Variants in CFAP69 observed in about 807,000 individuals in gnomAD.
CFAP69 encodes the protein cilia and flagella associated protein 69.
CFAP69 carries 92 observed loss-of-function variants against 123.0 expected under a neutral mutation model. The ratio of observed to expected loss-of-function variants is 0.75; its 90% CI spans 0.63 to 0.89. CFAP69 has a LOEUF of 0.89. Among genes scored for constraint, CFAP69 ranks in the 40% least tolerant of loss-of-function variants. The pLI is 0.00. For missense variants in CFAP69, 1,067 were observed against 1,096.9 expected (o/e 0.97, Z 0.39); for synonymous variants, 380 against 364.3 (o/e 1.04, Z -0.49).
chr7:90,264,304 G>A (rs931691613), intron 4 of CFAP69, among the ~76,000 whole-genome samples: 12 of 151,276 alleles, frequency 7.9e-5, no homozygotes, highest in Non-Finnish European at 1.6e-4. Flanking sequence ...TTTATGTGCT[G>A]GATCTTTTAT....
rs1357908905 is a variant in CFAP69, at chr7:90,262,039, T to C, written c.339T>C (p.Asp113=). ...NQPRFIESAY[D]IIKLCGLPFL... ...CTCGTTTTATAGAATCTGCATATGA[T>C]ATCATAAAACTGTGTGGGTAAGTTA... The change falls in exon 4 of 23, where the codon GAT becomes GAC. Residue 113 remains aspartate (D), a synonymous_variant. Coordinates refer to ENST00000389297, the MANE Select transcript of CFAP69 (RefSeq NM_001039706.3). 6.3e-7 allele frequency: 1 copy of C among 1,587,060 alleles called. No individual in the cohort carries two copies. Among genetic ancestry groups the C allele is most frequent in the African/African-American group, 1.4e-5 (1 of 73,444 alleles).
At chr7:90,311,420 C>T (rs968673318), downstream of CFAP69, among the ~76,000 whole-genome samples, 3 of 152,156 alleles carry the variant, frequency 2.0e-5, no homozygotes, top group East Asian at 3.8e-4. Context: ...GAGGGAAAAG[C>T]CCTGATTTAC....
intron 11 of CFAP69, among the ~76,000 whole-genome samples, chr7:90,278,761 G>C (rs1022067111): frequency 1.3e-5 from 2 of 152,036 alleles, no homozygotes; most frequent in Non-Finnish European, 2.9e-5. Flanking sequence ...TAATGAATAT[G>C]TACACTATCA....
At chr7:90,307,738 AC>A in intron 20 of CFAP69, 29 bp from the exon 21 acceptor site, 1 of 1,479,314 alleles carries the variant, frequency 6.8e-7, no homozygotes, top group East Asian at 2.3e-5. Context: ...AAAAAAAGAA[AC>A]TGAAACTTAA....
At chr7:90,321,226 T>G in the CFAP69 span, 1 of 152,182 alleles carries the variant, frequency 6.6e-6, no homozygotes, top group Non-Finnish European at 1.5e-5. Context: ...GCTTCGGCGC[T>G]GGGAGGCTCT....
intron 8 of CFAP69, among the ~76,000 whole-genome samples, chr7:90,273,617 T>C (rs755155695): frequency 2.0e-5 from 3 of 152,202 alleles, no homozygotes; most frequent in Non-Finnish European, 4.4e-5. Context: ...GTGTGTGTTT[T>C]AGTTTGAGCT....
At chr7:90,276,666 A>T (rs1788661219) in intron 9 of CFAP69, among the ~76,000 whole-genome samples, 1 of 152,196 alleles carries the variant, frequency 6.6e-6, no homozygotes, top group Non-Finnish European at 1.5e-5. Context: ...GTAGAAGTGG[A>T]AGTGTTTAAG....
chr7:90,296,473 G>A (rs981784529), intron 15 of CFAP69, among the ~76,000 whole-genome samples: 5 of 151,880 alleles, frequency 3.3e-5, no homozygotes, highest in African/African-American at 7.3e-5. Context: ...GATTACAGGC[G>A]CCCACCACCA....
chr7:90,314,422 A>T (rs1198550849), downstream of CFAP69, among the ~76,000 whole-genome samples: 1 of 152,086 alleles, frequency 6.6e-6, no homozygotes, highest in Non-Finnish European at 1.5e-5. Context: ...CAGGAGTTGG[A>T]GACCAGCTTG....
At chr7:90,320,846 G>A in the CFAP69 span, 1 of 148,594 alleles carries the variant, frequency 6.7e-6, no homozygotes, top group East Asian at 2.2e-4. Flanking sequence ...GATACATGAT[G>A]TATCAGAGGG....
intron 9 of CFAP69, 78 bp downstream of exon 9, chr7:90,274,188 G>C: frequency 1.3e-6 from 2 of 1,503,508 alleles, no homozygotes; most frequent in Non-Finnish European, 1.8e-6. Context: ...TATTATGTTG[G>C]AATATTTGTG....
chr7:90,317,406 C>T, the CFAP69 span: 1 of 151,906 alleles, frequency 6.6e-6, no homozygotes, highest in Non-Finnish European at 1.5e-5. Flanking sequence ...TTTATGAGAA[C>T]ATTAATTAGC....
At chr7:90,270,408 C>G (rs950999993) in intron 6 of CFAP69, among the ~76,000 whole-genome samples, 2 of 151,954 alleles carry the variant, frequency 1.3e-5, no homozygotes, top group South Asian at 2.1e-4. Context: ...ATTCTGTATA[C>G]TAGTATGTTG....
chr7:90,251,924 G>A (rs567625523), intron 1 of CFAP69: 2 of 152,022 alleles, frequency 1.3e-5, no homozygotes, highest in African/African-American at 4.8e-5. Flanking sequence ...CTGCAATTGG[G>A]GTGGCCCAAG....
rs1157376241 is a variant in CFAP69, at chr7:90,264,102, AAAATATATATATATATATATAT to A, written c.357-1197_357-1176del. 3.4e-3 allele frequency among the ~76,000 whole-genome samples: 114 copies of A among 33,828 alleles called. 11 individuals carry two copies. Among genetic ancestry groups the A allele is most frequent in the African/African-American group, 9.7e-3 (104 of 10,696 alleles). 22.2% of individuals were successfully genotyped at this position (33,828 alleles called of 152,430 possible). On this transcript the variant is annotated intron_variant, in intron 4 of 22. Transcript: ENST00000389297. ...CAAGACTCCATCTCGAAAAAAAAAA[AAAATATATATATATATATATAT>A]ATATATATATATATATATATATATA...
Position 90,279,831 on chromosome 7 carries a change from A to C in CFAP69, c.1310A>C (p.Glu437Ala). 6.2e-7 allele frequency: 1 copy of C among 1,612,694 alleles called. No individual in the cohort carries two copies. The highest frequency in any genetic ancestry group is 8.5e-7 in the Non-Finnish European group (1 of 1,179,680). The change falls in exon 12 of 23, where the codon GAA (glutamate) becomes GCA (alanine). Residue 437 changes from glutamate (E) to alanine (A), a missense_variant. Glu to Ala is a moderately radical substitution (Grantham distance 107, BLOSUM62 -1). Coordinates refer to ENST00000389297, the MANE Select transcript of CFAP69 (RefSeq NM_001039706.3). ...LSSVAPLLIE[E>A]YMSCQGNARV... The stretch of plus-strand genomic sequence containing the variant: ...TCAGTGGCTCCTTTATTAATAGAAG[A>C]ATACATGTCATGCCAGGGAAATGCT...
chr7:90,306,852 C>A, intron 19 of CFAP69, 49 bp from the exon 20 acceptor site: 1 of 1,092,328 alleles, frequency 9.2e-7, no homozygotes, highest in Non-Finnish European at 1.4e-6. Context: ...TGTACAATTG[C>A]ATGATTTGTT....
chr7:90,307,088 T>C lies in CFAP69; in HGVS notation c.2453T>C (p.Val818Ala), dbSNP rs1233731381. 1.9e-6 allele frequency: 3 copies of C among 1,610,242 alleles called. No individual in the cohort carries two copies. Among genetic ancestry groups the C allele is most frequent in the Non-Finnish European group, 2.5e-6 (3 of 1,178,938 alleles). The change falls in exon 20 of 23, where the codon GTA becomes GCA. Residue 818 changes from valine (V) to alanine (A), a missense_variant. Val to Ala is a moderately conservative substitution (Grantham distance 64). Coordinates refer to ENST00000389297, the MANE Select transcript of CFAP69 (RefSeq NM_001039706.3). ...CAAGACATGCAAAATGAACAAAAAG[T>C]ATATGCAAAAGTAAGCTACATAGGT... ...ACQDMQNEQK[V>A]YAKIQATHKQ...
chr7:90,250,174 C>T (rs983149804), intron 1 of CFAP69, among the ~76,000 whole-genome samples: 1 of 129,968 alleles, frequency 7.7e-6, no homozygotes, highest in African/African-American at 2.9e-5. Flanking sequence ...GAGACCCCCA[C>T]TCTTTAAAGA....
Sources: gnomAD v4.1 joint callset for allele counts (sites outside exome capture counted in the v4.1 genomes callset) on GRCh38, gnomAD v4.1.1 for gene constraint, MANE v1.5 for transcripts, NCBI Gene and HGNC (gene_info 2026-07-23, HGNC 2026-07-21) for gene names.